The following PALS1 variants were observed in gnomAD, a reference collection of about 807,000 sequenced individuals.
The protein encoded by PALS1 is protein associated with LIN7 1, MAGUK p55 family member.
Under a neutral mutation model 78.9 loss-of-function variants are expected in PALS1, and 31 were observed. That is an observed-to-expected ratio of 0.39 (90% CI 0.30 to 0.53). The LOEUF is 0.53. Ranked by LOEUF, PALS1 falls within the 20% of genes least tolerant of loss-of-function variation. The pLI, the probability that PALS1 is intolerant of heterozygous loss-of-function variation, is 0.67. For synonymous variants in PALS1, 276 were observed against 270.9 expected (o/e 1.02, Z -0.18); for missense variants, 704 against 826.5 (o/e 0.85, Z 1.82).
chr14:67,272,046 G>A (rs1173738166), intron 2 of PALS1: 2 of 146,138 alleles, frequency 1.4e-5, no homozygotes, highest in Non-Finnish European at 3.0e-5. Context: ...ACTCAAACTG[G>A]ACGACAGAGT....
At chr14:67,309,025 T>C (rs1322246820) in intron 8 of PALS1, among the ~76,000 whole-genome samples, 2 of 151,946 alleles carry the variant, frequency 1.3e-5, no homozygotes, top group Non-Finnish European at 2.9e-5. Context: ...AAAAAGAAAA[T>C]GTTGGGCTGG....
intron 3 of PALS1, chr14:67,279,816 A>G: frequency 2.9e-6 from 1 of 347,704 alleles, no homozygotes; most frequent in South Asian, 1.5e-4. Context: ...CTTGAAATTT[A>G]CCTTTTATAT....
chr14:67,267,083 G>A (rs2084340024), intron 1 of PALS1, among the ~76,000 whole-genome samples: 1 of 152,014 alleles, frequency 6.6e-6, no homozygotes, highest in Non-Finnish European at 1.5e-5. Context: ...ACTCCAGCCT[G>A]TCTCACAGAG....
At chr14:67,289,651 A>G (rs1311800456) in intron 3 of PALS1, among the ~76,000 whole-genome samples, 1 of 152,168 alleles carries the variant, frequency 6.6e-6, no homozygotes, top group African/African-American at 2.4e-5. Context: ...TCTATTTAAA[A>G]ATTTAACTGC....
At chr14:67,280,837 T>TTCCTTCCTTCCTTCCTTCCC (rs1301067919) in intron 3 of PALS1, among the ~76,000 whole-genome samples, 3 of 133,446 alleles carry the variant, frequency 2.2e-5, no homozygotes, top group African/African-American at 9.5e-5. Context: ...CCTTCCTTCC[T>TTCCTTCCTTCCTTCCTTCCC]TCCTTCCTTC....
intron 2 of PALS1, among the ~76,000 whole-genome samples, chr14:67,274,473 T>C (rs1343630224): frequency 1.3e-5 from 2 of 152,136 alleles, no homozygotes; most frequent in African/African-American, 4.8e-5. Flanking sequence ...TCTGTTCCAT[T>C]GGTCTATATC....
intron 2 of PALS1, among the ~76,000 whole-genome samples, chr14:67,273,180 A>G (rs1407235826): frequency 6.7e-6 from 1 of 150,180 alleles, no homozygotes; most frequent in Non-Finnish European, 1.5e-5. Flanking sequence ...GGTTTCTTAC[A>G]TATGTATGCA....
chr14:67,244,705 CTT>C (rs1204757574), intron 1 of PALS1, among the ~76,000 whole-genome samples: 1 of 151,894 alleles, frequency 6.6e-6, no homozygotes, highest in Non-Finnish European at 1.5e-5. Context: ...TTTTGTTTCT[CTT>C]AAGTAGATGG....
In PALS1 at chr14:67,279,159, T is replaced by C; in HGVS notation, c.-12T>C. 1 of 1,554,268 alleles carries C rather than the reference T, an allele frequency of 6.4e-7. No homozygotes were observed. The highest frequency in any genetic ancestry group is 1.2e-5 in the South Asian group (1 of 80,852). Reference sequence around the variant, plus strand: ...GATTTATAAAAAGTGGTACAGGTTTTCATAGATAACCATGACAACATCCCA... The same window carrying C: ...GATTTATAAAAAGTGGTACAGGTTTCCATAGATAACCATGACAACATCCCA... On this transcript the variant is annotated 5_prime_UTR_variant, in exon 3 of 15. Transcript: ENST00000261681.
chr14:67,330,312 G>C (rs997170971), intron 14 of PALS1, among the ~76,000 whole-genome samples: 2 of 151,670 alleles, frequency 1.3e-5, no homozygotes, highest in African/African-American at 2.4e-5. Context: ...CAAGATGAAT[G>C]CTTAATTTTT....
chr14:67,284,663 C>T (rs2084657564), intron 3 of PALS1, among the ~76,000 whole-genome samples: 1 of 150,224 alleles, frequency 6.7e-6, no homozygotes, highest in Non-Finnish European at 1.5e-5. Context: ...CTGTCCACCA[C>T]CTGGCCCTTG....
At chr14:67,262,836 A>G (rs1228019074) in intron 1 of PALS1, among the ~76,000 whole-genome samples, 1 of 152,132 alleles carries the variant, frequency 6.6e-6, no homozygotes, top group South Asian at 2.1e-4. Context: ...TAGGCCATAT[A>G]TATTCTTCAT....
chr14:67,289,870 A>T (rs2084748007), intron 3 of PALS1, among the ~76,000 whole-genome samples: 1 of 145,484 alleles, frequency 6.9e-6, no homozygotes, highest in Non-Finnish European at 1.5e-5. Flanking sequence ...TCCTGGGTTC[A>T]CGCCATTCTC....
intron 9 of PALS1, 129 bp from the exon 10 acceptor site, chr14:67,316,703 T>C: frequency 3.1e-6 from 2 of 650,890 alleles, no homozygotes; most frequent in East Asian, 6.0e-5. Flanking sequence ...TACTCCTGTG[T>C]TGGCAAAAGG....
Position 67,332,863 on chromosome 14 carries a change from T to C in PALS1, c.1935T>C (p.Asn645=). The C allele has an allele frequency of 6.2e-7, 1 of 1,614,110 alleles. No homozygotes were observed. Residue 645 remains asparagine (N), a synonymous_variant, in exon 15 of 15, where the codon AAT becomes AAC. Transcript: ENST00000261681. ...NGHYFDTAIV[N]SDLDKAYQEL... ...ACTACTTTGATACGGCAATTGTGAA[T>C]TCCGATCTTGATAAAGCCTATCAGG...
At position 67,334,814 on chromosome 14, in the gene PALS1, CT is replaced by C. The variant is rs2085505706; in HGVS notation, c.*1860del. The C allele has an allele frequency of 6.6e-6, 1 of 152,236 alleles. No homozygotes were observed. The allele number at this position is 152,236 out of a possible 1,614,324, so 9.4% of individuals were successfully genotyped here. On this transcript the variant is annotated 3_prime_UTR_variant, in exon 15 of 15. Coordinates refer to ENST00000261681, the MANE Select transcript of PALS1 (RefSeq NM_022474.4). ...AACTAAGGAATATACTTAGCACTTA[CT>C]TAATCTTTTCAGTTTTCCAGTTTAC... is the stretch of plus-strand genomic sequence containing the variant.
intron 2 of PALS1, among the ~76,000 whole-genome samples, chr14:67,272,319 C>T (rs188447916): frequency 6.6e-6 from 1 of 152,294 alleles, no homozygotes; most frequent in Non-Finnish European, 1.5e-5. Flanking sequence ...CTTTCATCTT[C>T]CCACCTTTGG....
intron 9 of PALS1, among the ~76,000 whole-genome samples, chr14:67,316,520 T>C (rs953194877): frequency 1.3e-5 from 2 of 152,190 alleles, no homozygotes; most frequent in Non-Finnish European, 2.9e-5. Flanking sequence ...CATTGTAAGA[T>C]CCAGGATAGT....
At chr14:67,296,918 G>A (rs2084863054) in intron 4 of PALS1, among the ~76,000 whole-genome samples, 2 of 152,086 alleles carry the variant, frequency 1.3e-5, no homozygotes, top group Non-Finnish European at 2.9e-5. Context: ...GCCTCCCAGA[G>A]TACTGGGATT....
Sources: allele counts gnomAD v4.1 joint callset (sites outside exome capture counted in the v4.1 genomes callset), GRCh38; gene constraint gnomAD v4.1.1; transcripts MANE v1.5; gene names NCBI Gene and HGNC (gene_info 2026-07-23, HGNC 2026-07-21).